The following NSMCE2 variants were observed in gnomAD, a reference collection of about 807,000 sequenced individuals.
The protein encoded by NSMCE2 is E3 SUMO-protein ligase NSE2.
NSMCE2 carries 24 observed loss-of-function variants against 23.8 expected under a neutral mutation model. The observed-to-expected ratio is 1.01, with a 90% CI of 0.73 to 1.42. The LOEUF is 1.42. Ranked by LOEUF, NSMCE2 falls within the 40% of genes most tolerant of loss-of-function variation. NSMCE2 has a pLI of 0.00. For synonymous variants in NSMCE2, 92 were observed against 94.1 expected (o/e 0.98, Z 0.13); for missense variants, 284 against 296.5 (o/e 0.96, Z 0.31).
At chr8:125,135,686 T>C in intron 3 of NSMCE2, among the ~76,000 whole-genome samples, 1 of 152,254 alleles carries the variant, frequency 6.6e-6, no homozygotes. Context: ...TCAGCTGAAT[T>C]GCCTTTGCAC....
chr8:125,156,736 A>G (rs1339660534), intron 4 of NSMCE2, among the ~76,000 whole-genome samples: 1 of 152,228 alleles, frequency 6.6e-6, no homozygotes, highest in Admixed American at 6.5e-5. Flanking sequence ...CTTAGATATA[A>G]TAAAGGAACA....
intron 5 of NSMCE2, among the ~76,000 whole-genome samples, chr8:125,350,197 A>G (rs1178115018): frequency 1.3e-5 from 2 of 152,200 alleles, no homozygotes; most frequent in Non-Finnish European, 2.9e-5. Context: ...GAAAAATAGC[A>G]CTTATGGACA....
chr8:125,263,665 T>A (rs10956235), intron 5 of NSMCE2, among the ~76,000 whole-genome samples: 3,677 of 151,910 alleles, frequency 0.024, 57 homozygotes, highest in Middle Eastern at 0.051. Context: ...CAGGACAATC[T>A]CTTGAACCCG....
chr8:125,252,358 C>A (rs1586673106), intron 5 of NSMCE2, among the ~76,000 whole-genome samples: 1 of 152,260 alleles, frequency 6.6e-6, no homozygotes, highest in East Asian at 1.9e-4. Flanking sequence ...GAAACCCTGT[C>A]TCTACTAAAA....
chr8:125,251,065 A>G (rs4006775), intron 5 of NSMCE2, among the ~76,000 whole-genome samples: 1 of 152,226 alleles, frequency 6.6e-6, no homozygotes, highest in South Asian at 2.1e-4. Flanking sequence ...TGATGGTAGG[A>G]CTGCAAATGA....
intron 1 of NSMCE2, among the ~76,000 whole-genome samples, chr8:125,097,798 A>C (rs1191798859): frequency 6.6e-6 from 1 of 152,154 alleles, no homozygotes; most frequent in Non-Finnish European, 1.5e-5. Context: ...GGTTATATGA[A>C]ATGTATGATT....
rs1050411101 is a variant in NSMCE2 at position 125,292,910 on chromosome 8, G to A, written c.419-64309G>A. On this transcript the variant is annotated intron_variant, in intron 5 of 7. Transcript: ENST00000287437. Reference sequence around the variant, plus strand: ...TCCTCAACATGAACGAGTTTCAAATGTTGGCAGGTCATACTTGTTGAAGAC... The same window carrying A: ...TCCTCAACATGAACGAGTTTCAAATATTGGCAGGTCATACTTGTTGAAGAC... Among the ~76,000 whole-genome samples, 7 of 152,308 alleles carry A rather than the reference G, an allele frequency of 4.6e-5. No individual in the cohort carries two copies. The East Asian group carries it at 1.3e-3, about 29-fold the overall frequency.
At chr8:125,314,868 A>G (rs1829116207) in intron 5 of NSMCE2, among the ~76,000 whole-genome samples, 1 of 152,334 alleles carries the variant, frequency 6.6e-6, no homozygotes, top group South Asian at 2.1e-4. Flanking sequence ...TGGGCAAAGC[A>G]TGAGAAGTAC....
At chr8:125,259,763 A>C (rs1169612492) in intron 5 of NSMCE2, among the ~76,000 whole-genome samples, 2 of 152,240 alleles carry the variant, frequency 1.3e-5, no homozygotes, top group African/African-American at 2.4e-5. Flanking sequence ...TGTTGGTTTC[A>C]ACAACTCTAA....
chr8:125,348,654 G>GT (rs1478660962), intron 5 of NSMCE2: 1 of 152,128 alleles, frequency 6.6e-6, no homozygotes, highest in African/African-American at 2.4e-5. Context: ...AGATCTGATG[G>GT]TTTTATAAGG....
chr8:125,300,604 C>T (rs1828521501), intron 5 of NSMCE2, among the ~76,000 whole-genome samples: 1 of 152,176 alleles, frequency 6.6e-6, no homozygotes, highest in African/African-American at 2.4e-5. Context: ...TTCGCTATGC[C>T]ATGGGGTACA....
chr8:125,351,142 A>G (rs1250131230), intron 5 of NSMCE2, among the ~76,000 whole-genome samples: 1 of 152,154 alleles, frequency 6.6e-6, no homozygotes, highest in Non-Finnish European at 1.5e-5. Flanking sequence ...GACTGAGAAG[A>G]GGAGAACCAA....
At chr8:125,164,005 C>A (rs1049336894) in intron 4 of NSMCE2, among the ~76,000 whole-genome samples, 4 of 152,226 alleles carry the variant, frequency 2.6e-5, no homozygotes, top group Admixed American at 2.6e-4. Context: ...TAGCCCAGGT[C>A]TGGATAAGAT....
At chr8:125,349,387 C>A (rs1185627723) in intron 5 of NSMCE2, among the ~76,000 whole-genome samples, 1 of 152,066 alleles carries the variant, frequency 6.6e-6, no homozygotes, top group African/African-American at 2.4e-5. Flanking sequence ...TTCAAGCAGG[C>A]AACAAATATT....
intron 5 of NSMCE2, among the ~76,000 whole-genome samples, chr8:125,296,392 ATTTT>A (rs11410793): frequency 1.6e-5 from 2 of 125,742 alleles, no homozygotes; most frequent in South Asian, 2.5e-4. Flanking sequence ...TGCCATGGTC[ATTTT>A]TTTTTTTTTT....
intron 5 of NSMCE2, among the ~76,000 whole-genome samples, chr8:125,339,995 CGTT>C (rs1051333026): frequency 2.0e-5 from 3 of 147,892 alleles, no homozygotes; most frequent in Non-Finnish European, 4.5e-5. Flanking sequence ...AAGCCTCCGA[CGTT>C]GTAGTTTTTT....
intron 5 of NSMCE2, among the ~76,000 whole-genome samples, chr8:125,237,050 G>T (rs149521007): frequency 1.3e-5 from 2 of 152,178 alleles, no homozygotes; most frequent in East Asian, 3.9e-4. Flanking sequence ...TCTGTACCTG[G>T]CACAGCAGTG....
At chr8:125,242,100 T>C (rs1220798337) in intron 5 of NSMCE2, among the ~76,000 whole-genome samples, 1 of 150,414 alleles carries the variant, frequency 6.6e-6, no homozygotes, top group Non-Finnish European at 1.5e-5. Context: ...ATGTAAACAA[T>C]AACTGGGGGG....
chr8:125,322,553 A>G (rs1162446513), intron 5 of NSMCE2, among the ~76,000 whole-genome samples: 1 of 152,206 alleles, frequency 6.6e-6, no homozygotes, highest in South Asian at 2.1e-4. Context: ...CATATCCCCT[A>G]AGGAAACTAG....
Sources: allele counts gnomAD v4.1 joint callset (sites outside exome capture counted in the v4.1 genomes callset), GRCh38; gene constraint gnomAD v4.1.1; transcripts MANE v1.5; gene names NCBI Gene and HGNC (gene_info 2026-07-23, HGNC 2026-07-21).